The following PPP1R12A variants were observed in gnomAD, a reference collection of about 807,000 sequenced individuals.
PPP1R12A encodes the protein myosin binding subunit.
In PPP1R12A, 19 loss-of-function variants were observed where a neutral mutation model predicts 139.6. The observed-to-expected ratio is 0.14, with a 90% confidence interval of 0.09 to 0.20. The LOEUF (loss-of-function observed/expected upper bound fraction) is 0.20, where lower values mean the gene tolerates loss of function less well. Among genes scored for constraint, PPP1R12A ranks in the 10% least tolerant of loss-of-function variants. The pLI is 1.00. For missense variants in PPP1R12A, 925 were observed against 1,211.5 expected, an observed-to-expected ratio of 0.76 and a Z score of 3.51; for synonymous variants, 427 against 420.6, an observed-to-expected ratio of 1.02 and a Z score of -0.19.
At chr12:79,777,192 TTC>T (rs1869835536) in intron 24 of PPP1R12A, 1 of 910,348 alleles carries the variant, frequency 1.1e-6, no homozygotes, top group African/African-American at 1.8e-5. Context: ...ACTGTTGGTT[TTC>T]TCTCTAGTAA....
chr12:79,934,355 C>A (rs1410791992), intron 1 of PPP1R12A, among the ~76,000 whole-genome samples: 1 of 152,184 alleles, frequency 6.6e-6, no homozygotes, highest in Non-Finnish European at 1.5e-5. Context: ...GGGGCCCAGG[C>A]ACAACCCCAC....
At chr12:79,827,469 G>T (rs1053069768) in intron 5 of PPP1R12A, among the ~76,000 whole-genome samples, 1 of 151,998 alleles carries the variant, frequency 6.6e-6, no homozygotes, top group African/African-American at 2.4e-5. Flanking sequence ...AATATACAAG[G>T]AACATTCTAT....
Position 79,774,491 on chromosome 12 carries a change from G to A in PPP1R12A, c.*1438C>T, listed in dbSNP as rs1373258315. The A allele has an allele frequency of 6.6e-6, 1 of 152,472 alleles. No individual in the cohort carries two copies. Among genetic ancestry groups the A allele is most frequent in the African/African-American group, 2.4e-5 (1 of 41,416 alleles). 9.4% of individuals were successfully genotyped at this position (152,472 alleles called of 1,614,324 possible). ...TTTACAATGTACAATTTATTCAAATGGCTGAACTGTTCAGTGGTTAAGGAG... is the reference window on the plus strand; with the variant it reads ...TTTACAATGTACAATTTATTCAAATAGCTGAACTGTTCAGTGGTTAAGGAG... On this transcript the variant is annotated 3_prime_UTR_variant, in exon 25 of 25. Coordinates refer to ENST00000450142, the MANE Select transcript of PPP1R12A (RefSeq NM_002480.3).
intron 1 of PPP1R12A, among the ~76,000 whole-genome samples, chr12:79,924,029 G>A (rs1053491980): frequency 2.0e-5 from 3 of 152,146 alleles, no homozygotes; most frequent in Admixed American, 1.3e-4. Flanking sequence ...GGGAGACAGA[G>A]CAAGACTCCG....
At position 79,840,771 on chromosome 12, in the gene PPP1R12A, G is replaced by C. The variant is rs181059518; in HGVS notation, c.487+4531C>G. Among the ~76,000 whole-genome samples, 8 of 152,220 alleles carry C rather than the reference G, an allele frequency of 5.3e-5. No homozygotes were observed. In the East Asian group the frequency reaches 1.5e-3, roughly 29 times the overall value. ...TTTGAGAATCTTCTTCAAGGAATGC[G>C]TGTCACCATATATCCTACATTCTAT... On this transcript the variant is annotated intron_variant, in intron 3 of 24. Coordinates refer to ENST00000450142, the MANE Select transcript of PPP1R12A (RefSeq NM_002480.3).
intron 14 of PPP1R12A, 62 bp from the exon 15 acceptor site, chr12:79,798,646 A>G (rs1592630131): frequency 1.1e-6 from 1 of 889,896 alleles, no homozygotes; most frequent in African/African-American, 1.7e-5. Flanking sequence ...GTAAATATCT[A>G]TCAATGCATA....
chr12:79,899,251 T>A (rs1255070706), intron 1 of PPP1R12A, among the ~76,000 whole-genome samples: 131 of 1,552 alleles, frequency 0.084, no homozygotes, highest in African/African-American at 0.32. Flanking sequence ...TATATATATA[T>A]ATATATATAT....
At chr12:79,792,095 T>G (rs1871948176) in intron 19 of PPP1R12A, among the ~76,000 whole-genome samples, 2 of 152,212 alleles carry the variant, frequency 1.3e-5, no homozygotes, top group South Asian at 4.1e-4. Context: ...GTGTAATTCC[T>G]CATCCCTCCA....
intron 19 of PPP1R12A, among the ~76,000 whole-genome samples, chr12:79,791,760 G>T (rs977857583): frequency 6.6e-6 from 1 of 152,094 alleles, no homozygotes; most frequent in Non-Finnish European, 1.5e-5. Context: ...AAGATCGCTA[G>T]AACTTTTTCA....
chr12:79,804,231 T>G (rs1439714260), intron 14 of PPP1R12A, among the ~76,000 whole-genome samples: 1 of 152,040 alleles, frequency 6.6e-6, no homozygotes, highest in Non-Finnish European at 1.5e-5. Context: ...TAAGTTTGAT[T>G]AAATGATGGA....
intron 20 of PPP1R12A, 27 bp downstream of exon 20, chr12:79,790,440 G>A (rs1280772986): frequency 7.9e-7 from 1 of 1,262,452 alleles, no homozygotes; most frequent in African/African-American, 1.5e-5. Context: ...AGAAAAAAAT[G>A]TCAGTTAAAA....
chr12:79,844,698 G>T (rs559774372), intron 3 of PPP1R12A, among the ~76,000 whole-genome samples: 5 of 152,148 alleles, frequency 3.3e-5, no homozygotes, highest in African/African-American at 1.2e-4. Context: ...CCCTCCATTG[G>T]CTTCCTATTT....
chr12:79,902,523 T>C (rs1885741030), intron 1 of PPP1R12A, among the ~76,000 whole-genome samples: 1 of 152,140 alleles, frequency 6.6e-6, no homozygotes, highest in Non-Finnish European at 1.5e-5. Context: ...ATAGACAAGT[T>C]ACCAGTTTTC....
intron 1 of PPP1R12A, among the ~76,000 whole-genome samples, chr12:79,886,338 C>T (rs1322543264): frequency 6.6e-6 from 1 of 152,084 alleles, no homozygotes; most frequent in African/African-American, 2.4e-5. Context: ...TTTTAGGAGG[C>T]CGTCTATATT....
intron 24 of PPP1R12A, among the ~76,000 whole-genome samples, chr12:79,776,305 G>A (rs192281146): frequency 6.6e-6 from 1 of 152,172 alleles, no homozygotes; most frequent in African/African-American, 2.4e-5. Flanking sequence ...CCACATTCCA[G>A]CAGCCAAGAC....
chr12:79,854,418 T>C (rs927419712), intron 2 of PPP1R12A, among the ~76,000 whole-genome samples: 3 of 152,184 alleles, frequency 2.0e-5, no homozygotes, highest in Admixed American at 6.5e-5. Flanking sequence ...ATTAGACCAA[T>C]CTAAATTAAT....
intron 1 of PPP1R12A, among the ~76,000 whole-genome samples, chr12:79,876,764 T>C (rs1436987289): frequency 6.6e-6 from 1 of 152,070 alleles, no homozygotes; most frequent in Non-Finnish European, 1.5e-5. Context: ...CAAAAAGTTT[T>C]AAAGCGGGAG....
chr12:79,855,189 C>T (rs1331133742), intron 2 of PPP1R12A, among the ~76,000 whole-genome samples: 2 of 152,078 alleles, frequency 1.3e-5, no homozygotes, highest in South Asian at 2.1e-4. Context: ...GGGGTTTCAC[C>T]GTGTTAGCCA....
intron 21 of PPP1R12A, 63 bp downstream of exon 21, chr12:79,788,585 T>A: frequency 7.1e-7 from 1 of 1,406,654 alleles, no homozygotes; most frequent in Non-Finnish European, 9.6e-7. Context: ...AAAATAATAT[T>A]TGAATGAGTA....
Sources: gnomAD v4.1 joint callset for allele counts (sites outside exome capture counted in the v4.1 genomes callset) on GRCh38, gnomAD v4.1.1 for gene constraint, MANE v1.5 for transcripts, NCBI Gene and HGNC (gene_info 2026-07-23, HGNC 2026-07-21) for gene names.